Variants in KREMEN1 observed in about 807,000 individuals in gnomAD.
KREMEN1 encodes kremen protein 1.
A neutral mutation model predicts 46.5 loss-of-function variants in KREMEN1; 30 were observed. The observed-to-expected ratio is 0.65, with a 90% CI of 0.48 to 0.88. KREMEN1 has a LOEUF of 0.88. Among genes scored for constraint, KREMEN1 ranks in the 40% least tolerant of loss-of-function variants. The probability of loss-of-function intolerance (pLI) is 0.00; values close to 1 mark genes in which losing one functional copy is unlikely to be tolerated. For missense variants in KREMEN1, 533 were observed against 596.9 expected (o/e 0.89, Z 1.11); for synonymous variants, 214 against 230.6 (o/e 0.93, Z 0.65).
At chr22:29,160,925 A>T (rs2039004874) in intron 9 of KREMEN1, among the ~76,000 whole-genome samples, 1 of 152,248 alleles carries the variant, frequency 6.6e-6, no homozygotes, top group African/African-American at 2.4e-5. Context: ...ACAAAGAATC[A>T]GCAAAACCAA....
chr22:29,082,003 C>A (rs2037662461), intron 1 of KREMEN1, among the ~76,000 whole-genome samples: 1 of 152,088 alleles, frequency 6.6e-6, no homozygotes, highest in South Asian at 2.1e-4. Flanking sequence ...CCCTCCAGGA[C>A]TCTATTATTG....
downstream of KREMEN1, among the ~76,000 whole-genome samples, chr22:29,148,024 G>T (rs988715218): frequency 6.6e-6 from 1 of 152,206 alleles, no homozygotes; most frequent in African/African-American, 2.4e-5. Context: ...AGAGGTGGGG[G>T]TTAAGAATGA....
At chr22:29,075,612 AG>A (rs1253367646) in intron 1 of KREMEN1, among the ~76,000 whole-genome samples, 2 of 152,120 alleles carry the variant, frequency 1.3e-5, no homozygotes, top group African/African-American at 4.8e-5. Context: ...TAGTTGCAGA[AG>A]CAATTTTAGG....
chr22:29,118,248 G>A (rs1013649938), intron 3 of KREMEN1, among the ~76,000 whole-genome samples: 2 of 152,196 alleles, frequency 1.3e-5, no homozygotes, highest in Non-Finnish European at 2.9e-5. Context: ...GAAAACAATA[G>A]AGAGTCTGCA....
intron 9 of KREMEN1, among the ~76,000 whole-genome samples, chr22:29,162,573 C>T (rs2039020966): frequency 6.6e-6 from 1 of 152,014 alleles, no homozygotes; most frequent in African/African-American, 2.4e-5. Flanking sequence ...AGAAAATTAG[C>T]TGGGCGTGGT....
intron 9 of KREMEN1, among the ~76,000 whole-genome samples, chr22:29,156,523 A>T (rs1008480553): frequency 6.6e-6 from 1 of 151,948 alleles, no homozygotes; most frequent in African/African-American, 2.4e-5. Flanking sequence ...GAACTTGGTG[A>T]TTGGTGGGCC....
At chr22:29,113,511 T>C (rs907346915) in intron 3 of KREMEN1, among the ~76,000 whole-genome samples, 1 of 152,266 alleles carries the variant, frequency 6.6e-6, no homozygotes, top group African/African-American at 2.4e-5. Context: ...AAACACTATT[T>C]ATTCAGCACA....
rs1283530769 is a variant in KREMEN1, at chr22:29,140,312, T to C, written c.1154T>C (p.Leu385Pro). 1.9e-6 allele frequency: 3 copies of C among 1,613,986 alleles called. No homozygotes were observed. Among genetic ancestry groups the C allele is most frequent in the Non-Finnish European group, 2.5e-6 (3 of 1,179,944 alleles). ...ACAGTCTATGGTCTGGCAACTCTCC[T>C]CATCCTCACAGTCACAGCCATTGTA... ...GWTVYGLATL[L>P]ILTVTAIVAK... is the part of the protein sequence containing the mutation. Residue 385 changes from leucine (L) to proline (P), a missense_variant, in exon 8 of 9, where the codon CTC (leucine) becomes CCC (proline). Physicochemically the swap from Leu to Pro is moderately conservative, Grantham distance 98. Coordinates refer to ENST00000400335, the MANE Select transcript of KREMEN1 (RefSeq NM_001039570.3).
intron 3 of KREMEN1, 112 bp downstream of exon 3, chr22:29,099,065 A>G (rs1380728123): frequency 5.3e-6 from 4 of 759,030 alleles, no homozygotes; most frequent in Non-Finnish European, 9.1e-6. Context: ...TTCATGGAGC[A>G]TGTGAAAGGA....
intron 3 of KREMEN1, among the ~76,000 whole-genome samples, chr22:29,104,817 C>T (rs1280922473): frequency 1.3e-5 from 2 of 152,166 alleles, no homozygotes; most frequent in Non-Finnish European, 2.9e-5. Context: ...TCACTTGAAC[C>T]TGGGAAGCAG....
In KREMEN1 at chr22:29,145,514, GC is replaced by G; in HGVS notation, c.*3404del. On this transcript the variant is annotated 3_prime_UTR_variant, in exon 9 of 9. Coordinates refer to ENST00000400335, the MANE Select transcript of KREMEN1 (RefSeq NM_001039570.3). ...TGTGCCAACAGGAGAGCCCTCACCA[GC>G]CGATCTTGTCACTCTCCGTGGTGAC... 1.0e-6 allele frequency: 1 copy of G among 985,574 alleles called. No homozygotes were observed. Among genetic ancestry groups the G allele is most frequent in the Non-Finnish European group, 1.2e-6 (1 of 830,034 alleles). The allele number at this position is 985,574 out of a possible 1,614,324, so 61.1% of individuals were successfully genotyped here. A position where few individuals can be genotyped will look rare whatever the true frequency, so the allele number is the denominator to read the frequency against.
At chr22:29,085,620 C>T (rs1006981988) in intron 1 of KREMEN1, among the ~76,000 whole-genome samples, 2 of 152,016 alleles carry the variant, frequency 1.3e-5, no homozygotes, top group Non-Finnish European at 2.9e-5. Context: ...CCTTAGATTT[C>T]CCCTTTTTTT....
intron 3 of KREMEN1, among the ~76,000 whole-genome samples, chr22:29,106,353 T>C (rs763472204): frequency 5.9e-5 from 9 of 151,946 alleles, no homozygotes; most frequent in Non-Finnish European, 1.2e-4. Context: ...TCTGAGTAGC[T>C]GGGACTCCAG....
Position 29,142,469 on chromosome 22 carries a change from C to G in KREMEN1, c.*357C>G. The G allele has an allele frequency of 9.7e-7, 1 of 1,028,354 alleles. No individual in the cohort carries two copies. 63.7% of individuals were successfully genotyped at this position (1,028,354 alleles called of 1,614,324 possible). Reference sequence around the variant, plus strand: ...GCTCAGGTACATTCTAGATGGCTGTCAGGTGGTGGGTAGCTTTAGTTACAT... The same window carrying G: ...GCTCAGGTACATTCTAGATGGCTGTGAGGTGGTGGGTAGCTTTAGTTACAT... On this transcript the variant is annotated 3_prime_UTR_variant, in exon 9 of 9. Coordinates refer to ENST00000400335, the MANE Select transcript of KREMEN1 (RefSeq NM_001039570.3).
rs533520111 is a variant in KREMEN1, at chr22:29,108,341, C to T, written c.352+9388C>T. Among the ~76,000 whole-genome samples the T allele has an allele frequency of 3.3e-5, 5 of 152,314 alleles. No individual in the cohort carries two copies. The South Asian group carries it at 1.0e-3, about 32-fold the overall frequency. On this transcript the variant is annotated intron_variant, in intron 3 of 8. Transcript: ENST00000400335. ...GAAGTCTTATCTCTTCCTCTCTTCCCATAAGAGACAACACAAGCTGGTGGA... is the reference window on the plus strand; with the variant it reads ...GAAGTCTTATCTCTTCCTCTCTTCCTATAAGAGACAACACAAGCTGGTGGA...
intron 3 of KREMEN1, among the ~76,000 whole-genome samples, chr22:29,118,913 C>T (rs923667646): frequency 6.6e-6 from 1 of 152,172 alleles, no homozygotes; most frequent in Admixed American, 6.5e-5. Context: ...AAGACTGCCC[C>T]CCACTTCAGA....
In KREMEN1 at chr22:29,137,572, AGCC is replaced by A. The variant is rs1293840160; in HGVS notation, c.866_868del (p.Arg289del). On this transcript the variant is annotated inframe_deletion, in exon 6 of 9. Transcript: ENST00000400335. ...TGTCCTAGCCCGCTTCCACGGGAGG[AGCC>A]GCCCACCTCTGTCCTTCAACGTCTC... The A allele has an allele frequency of 6.2e-7, 1 of 1,613,724 alleles. No homozygotes were observed. Among genetic ancestry groups the A allele is most frequent in the African/African-American group, 1.3e-5 (1 of 75,012 alleles).
At chr22:29,083,203 G>A (rs114950919) in intron 1 of KREMEN1, among the ~76,000 whole-genome samples, 1 of 152,260 alleles carries the variant, frequency 6.6e-6, no homozygotes, top group African/African-American at 2.4e-5. Context: ...AGATTTATTT[G>A]TGCTCACATA....
chr22:29,107,899 T>C (rs134677), intron 3 of KREMEN1, among the ~76,000 whole-genome samples: 113,485 of 152,064 alleles, frequency 0.75, 43,047 homozygotes, highest in African/African-American at 0.88. Context: ...TTTACCTCTT[T>C]AAGCCTCTCC....
Sources: allele counts gnomAD v4.1 joint callset (sites outside exome capture counted in the v4.1 genomes callset), GRCh38; gene constraint gnomAD v4.1.1; transcripts MANE v1.5; gene names NCBI Gene and HGNC (gene_info 2026-07-23, HGNC 2026-07-21).